PHGDH: variants seen among roughly 807,000 people sequenced by gnomAD.
The protein encoded by PHGDH is phosphoglycerate dehydrogenase, also known as D-3-phosphoglycerate dehydrogenase.
A neutral mutation model predicts 52.6 loss-of-function variants in PHGDH; 50 were observed. The ratio of observed to expected loss-of-function variants is 0.95; its 90% CI spans 0.76 to 1.20. The LOEUF is 1.20. PHGDH is among the 50% of genes most tolerant of loss of function. PHGDH has a pLI of 0.00. For missense variants in PHGDH, 630 were observed against 684.6 expected, an observed-to-expected ratio of 0.92 and a Z score of 0.89; for synonymous variants, 271 against 280.5, an observed-to-expected ratio of 0.97 and a Z score of 0.34.
At chr1:119,712,599 G>C in intron 1 of PHGDH, 1 of 234,440 alleles carries the variant, frequency 4.3e-6, no homozygotes, top group South Asian at 5.3e-5. Context: ...TCTTTGCGGG[G>C]AACCCAGGGA....
chr1:119,737,987 G>T (rs762879176), intron 8 of PHGDH, among the ~76,000 whole-genome samples: 2 of 152,120 alleles, frequency 1.3e-5, no homozygotes, highest in Non-Finnish European at 2.9e-5. Flanking sequence ...TCCTTCTGAA[G>T]TCTTGCTTGG....
chr1:119,721,370 G>C (rs1311114302), intron 2 of PHGDH, 49 bp downstream of exon 2: 1 of 1,579,314 alleles, frequency 6.3e-7, no homozygotes, highest in Admixed American at 1.7e-5. Context: ...GGTGAGTGCG[G>C]AGACTGACCA....
At chr1:119,724,922 G>A (rs919597229) in intron 3 of PHGDH, 5 of 456,462 alleles carry the variant, frequency 1.1e-5, no homozygotes, top group African/African-American at 2.0e-5. Flanking sequence ...GAAGGAATGC[G>A]TTCGTTTCAT....
chr1:119,712,499 C>T, intron 1 of PHGDH: 1 of 364,934 alleles, frequency 2.7e-6, no homozygotes, highest in Non-Finnish European at 5.3e-6. Flanking sequence ...CGCCTTAGCG[C>T]GCAATTGTTC....
chr1:119,716,347 T>C (rs666930), intron 1 of PHGDH, among the ~76,000 whole-genome samples: 87,841 of 151,942 alleles, frequency 0.58, 25,980 homozygotes, highest in East Asian at 0.92. Flanking sequence ...CATAAATCTT[T>C]ACAAGGGAGA....
chr1:119,725,115 C>T (rs147436500), intron 3 of PHGDH: 1 of 408,334 alleles, frequency 2.4e-6, no homozygotes, highest in African/African-American at 2.1e-5. Context: ...AGGAGAGAAT[C>T]AACAAATGTA....
At chr1:119,720,663 C>G (rs925370555) in intron 1 of PHGDH, 1 of 200,796 alleles carries the variant, frequency 5.0e-6, no homozygotes, top group African/African-American at 2.3e-5. Flanking sequence ...CCAGGCCTGA[C>G]CAATGGCAGA....
At chr1:119,737,558 T>G (rs1478814110) in intron 8 of PHGDH, among the ~76,000 whole-genome samples, 1 of 152,110 alleles carries the variant, frequency 6.6e-6, no homozygotes, top group Non-Finnish European at 1.5e-5. Context: ...AAAGGCTCCT[T>G]TGTTCTCCAC....
chr1:119,730,373 AG>A (rs1398734084), intron 5 of PHGDH, among the ~76,000 whole-genome samples: 5 of 152,334 alleles, frequency 3.3e-5, no homozygotes, highest in Middle Eastern at 3.4e-3. Context: ...CATGTAATAA[AG>A]GAATGCATTC....
chr1:119,725,110 A>G, intron 3 of PHGDH: 2 of 410,976 alleles, frequency 4.9e-6, no homozygotes, highest in Non-Finnish European at 9.8e-6. Context: ...AAGGAAGGAG[A>G]GAATCAACAA....
intron 8 of PHGDH, chr1:119,739,834 C>T (rs1400577294): frequency 1.3e-5 from 2 of 156,408 alleles, no homozygotes; most frequent in Admixed American, 6.2e-5. Context: ...CTTGTGTCCC[C>T]TCAGTGTCAC....
chr1:119,722,801 G>C (rs748452141), intron 2 of PHGDH, among the ~76,000 whole-genome samples: 15 of 151,460 alleles, frequency 9.9e-5, no homozygotes, highest in Non-Finnish European at 2.1e-4. Flanking sequence ...TGAGAAGGTT[G>C]AGCTGGAAGG....
At chr1:119,736,731 A>G (rs1379182592) in intron 7 of PHGDH, among the ~76,000 whole-genome samples, 1 of 152,226 alleles carries the variant, frequency 6.6e-6, no homozygotes, top group East Asian at 1.9e-4. Flanking sequence ...AACAACAACA[A>G]CAGTAGCTCC....
At chr1:119,733,024 G>A (rs539426) in intron 5 of PHGDH, among the ~76,000 whole-genome samples, 23,017 of 152,230 alleles carry the variant, frequency 0.15, 1,919 homozygotes, top group Middle Eastern at 0.26. Context: ...AACGATGGCA[G>A]GGATCCCATC....
intron 3 of PHGDH, 73 bp from the exon 4 acceptor site, chr1:119,726,778 C>A: frequency 1.6e-6 from 2 of 1,247,466 alleles, no homozygotes; most frequent in Non-Finnish European, 2.4e-6. Flanking sequence ...ACTGTGCAAA[C>A]CTGATGTTGC....
At chr1:119,714,491 A>C (rs1462856249) in intron 1 of PHGDH, 1 of 152,256 alleles carries the variant, frequency 6.6e-6, no homozygotes, top group Non-Finnish European at 1.5e-5. Flanking sequence ...GTAAGGTTGT[A>C]AGTATTGTTT....
chr1:119,729,009 G>A (rs930784455), intron 5 of PHGDH, among the ~76,000 whole-genome samples: 2 of 152,134 alleles, frequency 1.3e-5, no homozygotes, highest in African/African-American at 4.8e-5. Flanking sequence ...CATAGCAAAT[G>A]GACAGTAGCC....
At chr1:119,718,497 C>T (rs1413317201) in intron 1 of PHGDH, among the ~76,000 whole-genome samples, 2 of 152,234 alleles carry the variant, frequency 1.3e-5, no homozygotes, top group Non-Finnish European at 2.9e-5. Context: ...CTGGCCCTAT[C>T]TTCTTGACAT....
chr1:119,740,027 T>A (rs888675233), intron 8 of PHGDH: 12 of 232,408 alleles, frequency 5.2e-5, no homozygotes, highest in Non-Finnish European at 8.5e-5. Flanking sequence ...CCAAGTTATC[T>A]GCGACTCCCA....
Sources: allele counts gnomAD v4.1 joint callset (sites outside exome capture counted in the v4.1 genomes callset), GRCh38; gene constraint gnomAD v4.1.1; transcripts MANE v1.5; gene names NCBI Gene and HGNC (gene_info 2026-07-23, HGNC 2026-07-21).